Variants in BCKDHA observed in about 807,000 individuals in gnomAD.
BCKDHA encodes the protein 2-oxoisovalerate dehydrogenase subunit alpha, mitochondrial.
BCKDHA carries 43 observed loss-of-function variants against 52.2 expected under a neutral mutation model. That is an observed-to-expected ratio of 0.82 (90% CI 0.64 to 1.06). The LOEUF (loss-of-function observed/expected upper bound fraction) is 1.06. Ranked by LOEUF, BCKDHA falls within the 50% of genes least tolerant of loss-of-function variation. The probability of loss-of-function intolerance (pLI) is 0.00; values close to 1 mark genes in which losing one functional copy is unlikely to be tolerated. For synonymous variants in BCKDHA, 234 were observed against 247.9 expected, an observed-to-expected ratio of 0.94 and a Z score of 0.53; for missense variants, 527 against 621.3, an observed-to-expected ratio of 0.85 and a Z score of 1.61.
At chr19:41,399,795 T>C (rs942083149) in intron 1 of BCKDHA, 3 of 151,778 alleles carry the variant, frequency 2.0e-5, no homozygotes, top group African/African-American at 4.8e-5. Flanking sequence ...TTCTTTTTTT[T>C]TCTTTTTTGA....
chr19:41,415,741 T>C (rs900820804), intron 4 of BCKDHA, among the ~76,000 whole-genome samples: 6 of 150,198 alleles, frequency 4.0e-5, no homozygotes, highest in African/African-American at 1.5e-4. Context: ...CTCCACCTCC[T>C]GGGTTCACGC....
chr19:41,424,289 A>G, intron 8 of BCKDHA, 149 bp from the exon 9 acceptor site: 1 of 894,744 alleles, frequency 1.1e-6, no homozygotes, highest in Non-Finnish European at 1.8e-6. Flanking sequence ...GAGGGTTTTC[A>G]TTACACTTCT....
In BCKDHA at chr19:41,410,917, C is replaced by T. The variant is rs1333893467; in HGVS notation, c.289-6C>T. On this transcript the variant is annotated splice_polypyrimidine_tract_variant and splice_region_variant and intron_variant, in intron 2 of 8. Transcript: ENST00000269980. ...GCCCCACGTCTATCTGTGCCTCCAC[C>T]CGCAGCTGCCGAAGGAGAAGGTGCT... 2.5e-6 allele frequency: 4 copies of T among 1,614,136 alleles called. No individual in the cohort carries two copies. The highest frequency in any genetic ancestry group is 3.4e-6 in the Non-Finnish European group (4 of 1,180,024).
chr19:41,405,787 A>G (rs192391157), intron 1 of BCKDHA, among the ~76,000 whole-genome samples: 130 of 152,252 alleles, frequency 8.5e-4, no homozygotes, highest in South Asian at 1.9e-3. Context: ...GCGCTTAGCC[A>G]TGGTGCCTTC....
intron 1 of BCKDHA, among the ~76,000 whole-genome samples, chr19:41,405,645 G>A (rs1014664713): frequency 6.6e-6 from 1 of 152,036 alleles, no homozygotes; most frequent in African/African-American, 2.4e-5. Flanking sequence ...GGCTGGCCTC[G>A]AACTCCTGGA....
At chr19:41,423,227 G>A in intron 8 of BCKDHA, 58 bp downstream of exon 8, 1 of 1,544,832 alleles carries the variant, frequency 6.5e-7, no homozygotes, top group Non-Finnish European at 8.7e-7. Flanking sequence ...GCAGAGCTTG[G>A]GAAGGATTTG....
chr19:41,414,023 G>T, intron 3 of BCKDHA, 26 bp from the exon 4 acceptor site: 1 of 1,595,580 alleles, frequency 6.3e-7, no homozygotes, highest in South Asian at 1.1e-5. Flanking sequence ...CCAATTGTGG[G>T]ACCCCGGTCC....
intron 8 of BCKDHA, among the ~76,000 whole-genome samples, chr19:41,423,733 G>A (rs1482810072): frequency 1.3e-5 from 2 of 152,140 alleles, no homozygotes; most frequent in South Asian, 2.1e-4. Flanking sequence ...TTGGGAGGCC[G>A]AGGCAGGAGA....
chr19:41,422,957 A>G (rs565272857), intron 7 of BCKDHA, 41 bp from the exon 8 acceptor site: 21 of 1,525,542 alleles, frequency 1.4e-5, no homozygotes, highest in Middle Eastern at 1.7e-4. Context: ...CCCCCACTCC[A>G]GGGAGCCCAC....
intron 1 of BCKDHA, among the ~76,000 whole-genome samples, chr19:41,404,906 T>G (rs946721505): frequency 8.5e-5 from 13 of 152,316 alleles, no homozygotes; most frequent in African/African-American, 3.1e-4. Flanking sequence ...CCCAGCCATA[T>G]TATTTCTGTA....
At chr19:41,407,382 C>G (rs1248405864) in intron 1 of BCKDHA, among the ~76,000 whole-genome samples, 1 of 152,184 alleles carries the variant, frequency 6.6e-6, no homozygotes, top group East Asian at 1.9e-4. Flanking sequence ...TGCATTCACT[C>G]AGGAATTCCC....
In BCKDHA at chr19:41,422,481, C is replaced by A. The variant is rs1030712048; in HGVS notation, c.853+111C>A. On this transcript the variant is annotated intron_variant, in intron 6 of 8. Transcript: ENST00000269980. ...TCCTTCCTGGTTCTCGTCCTGTGTC[C>A]TGTGGCGTCTGGCACTTGGTCAGCC... is the stretch of plus-strand genomic sequence containing the variant. 9 of 1,569,496 alleles carry A rather than the reference C, an allele frequency of 5.7e-6. No homozygotes were observed. The African/African-American group carries it at 1.2e-4, about 21-fold the overall frequency.
intron 5 of BCKDHA, among the ~76,000 whole-genome samples, chr19:41,420,911 G>C (rs1343178884): frequency 6.6e-6 from 1 of 152,244 alleles, no homozygotes; most frequent in Non-Finnish European, 1.5e-5. Context: ...GCCTGATCTA[G>C]GGTTGGTCTG....
rs572750777 is a variant in BCKDHA at position 41,408,262 on chromosome 19, C to CT, written c.109-2358dup. On this transcript the variant is annotated intron_variant, in intron 1 of 8. Coordinates refer to ENST00000269980, the MANE Select transcript of BCKDHA (RefSeq NM_000709.4). ...GTAAGCCACTGCCCAGCATCCCCAC[C>CT]TTTTTTTTTTTTTTTTTAAATTTGT... 7.0e-3 allele frequency among the ~76,000 whole-genome samples: 453 copies of CT among 64,842 alleles called. 2 individuals carry two copies. The highest frequency in any genetic ancestry group is 0.016 in the African/African-American group (244 of 15,250). The allele number at this position is 64,842 out of a possible 152,430, so 42.5% of individuals were successfully genotyped here. A position where few individuals can be genotyped will look rare whatever the true frequency, so the allele number is the denominator to read the frequency against.
At chr19:41,408,851 A>C (rs2039221939) in intron 1 of BCKDHA, among the ~76,000 whole-genome samples, 1 of 152,122 alleles carries the variant, frequency 6.6e-6, no homozygotes. Flanking sequence ...ACCTGGGCTC[A>C]AGTAATCCTT....
chr19:41,422,581 T>C (rs762503256), intron 6 of BCKDHA, 48 bp from the exon 7 acceptor site: 15 of 1,612,014 alleles, frequency 9.3e-6, no homozygotes, highest in Non-Finnish European at 1.2e-5. Flanking sequence ...CTCGTGCATG[T>C]TCCTTATCTC....
Position 41,424,508 on chromosome 19 carries a change from A to G in BCKDHA, c.1238A>G (p.Tyr413Cys). Reference protein sequence around the residue: ...PNPNLLFSDVYQEMPAQLRKQ... With the variant: ...PNPNLLFSDVCQEMPAQLRKQ... ...CCCAACCTACTCTTCTCAGACGTGT[A>G]TCAGGAGATGCCCGCCCAGCTCCGC... Residue 413 changes from tyrosine (Y) to cysteine (C), a missense_variant, in exon 9 of 9, where the codon TAT becomes TGT. Coordinates refer to ENST00000269980, the MANE Select transcript of BCKDHA (RefSeq NM_000709.4). 7 of 1,614,144 alleles carry G rather than the reference A, an allele frequency of 4.3e-6. No homozygotes were observed. Among genetic ancestry groups the G allele is most frequent in the Non-Finnish European group, 5.9e-6 (7 of 1,180,024 alleles).
At chr19:41,421,653 C>T (rs1055849791) in intron 5 of BCKDHA, among the ~76,000 whole-genome samples, 4 of 151,940 alleles carry the variant, frequency 2.6e-5, no homozygotes, top group Non-Finnish European at 4.4e-5. Flanking sequence ...GGTGGGGCCT[C>T]AAGGCCTTTG....
At chr19:41,418,921 T>A in intron 4 of BCKDHA, 1 of 587,474 alleles carries the variant, frequency 1.7e-6, no homozygotes, top group Non-Finnish European at 3.0e-6. Flanking sequence ...AATATCTCAC[T>A]AAGAGAAAGA....
Sources: allele counts gnomAD v4.1 joint callset (sites outside exome capture counted in the v4.1 genomes callset), GRCh38; gene constraint gnomAD v4.1.1; transcripts MANE v1.5; gene names NCBI Gene and HGNC (gene_info 2026-07-23, HGNC 2026-07-21).